PTPN6: variants seen among roughly 807,000 people sequenced by gnomAD.
The protein encoded by PTPN6 is protein tyrosine phosphatase non-receptor type 6, also known as tyrosine-protein phosphatase non-receptor type 6.
In PTPN6, 18 loss-of-function variants were observed where a neutral mutation model predicts 81.5. The observed-to-expected ratio is 0.22, with a 90% CI of 0.15 to 0.33. PTPN6 has a LOEUF of 0.33. Ranked by LOEUF, PTPN6 falls within the 10% of genes least tolerant of loss-of-function variation. The pLI is 1.00. For missense variants in PTPN6, 500 were observed against 794.2 expected, an observed-to-expected ratio of 0.63 and a Z score of 4.45; for synonymous variants, 301 against 310.9, an observed-to-expected ratio of 0.97 and a Z score of 0.33.
At position 6,954,056 on chromosome 12, in the gene PTPN6, G is replaced by T. The variant is rs1357238819; in HGVS notation, c.327-749G>T. On this transcript the variant is annotated intron_variant, in intron 3 of 15. Transcript: ENST00000318974. The surrounding 1 kb of genome is among the most constrained non-coding windows in gnomAD (Gnocchi z 5.4). The stretch of plus-strand genomic sequence containing the variant: ...GGGCTACAGTTTCCTCCTGGGAAAG[G>T]GGTGTGCTTCGGGGAAAGGGCTTAG... 1.3e-5 allele frequency among the ~76,000 whole-genome samples: 2 copies of T among 152,192 alleles called. No homozygotes were observed. Among genetic ancestry groups the T allele is most frequent in the Non-Finnish European group, 2.9e-5 (2 of 68,026 alleles).
In PTPN6 at chr12:6,951,568, C is replaced by A. The variant is rs1555147728; in HGVS notation, c.9-41C>A. On this transcript the variant is annotated intron_variant, in intron 1 of 15. Coordinates refer to ENST00000318974, the MANE Select transcript of PTPN6 (RefSeq NM_002831.6). This position sits in a 1 kb window ranked among gnomAD's most constrained non-coding sequence, Gnocchi z 7.2. The stretch of plus-strand genomic sequence containing the variant: ...AGACAGGAGGCAAGGGTGCCTGGTG[C>A]CCACGGGACCCCTCCTCACTGCCCT... 2.5e-6 allele frequency: 4 copies of A among 1,614,004 alleles called. No individual in the cohort carries two copies. The Admixed American group carries it at 6.7e-5, about 27-fold the overall frequency.
In PTPN6 at chr12:6,957,451, C is replaced by T. The variant is rs1331960120; in HGVS notation, c.1075-203C>T. ...TTTGTTGAATGACAAACGGATGTAC[C>T]GGTGAAGTGGCTGGCCAGGCCTCAC... On this transcript the variant is annotated intron_variant, in intron 9 of 15. Transcript: ENST00000318974. The surrounding 1 kb of genome is among the most constrained non-coding windows in gnomAD (Gnocchi z 6.5). Among the ~76,000 whole-genome samples, 1 of 152,208 alleles carries T rather than the reference C, an allele frequency of 6.6e-6. No individual in the cohort carries two copies. Among genetic ancestry groups the T allele is most frequent in the East Asian group, 1.9e-4 (1 of 5,186 alleles).
chr12:6,958,430 C>T (rs1243734765), intron 11 of PTPN6, among the ~76,000 whole-genome samples: 4 of 152,250 alleles, frequency 2.6e-5, no homozygotes, highest in East Asian at 1.9e-4. Context: ...CCGGCTGCTC[C>T]GCTTTCTCTC....
rs1378488869 is a variant in PTPN6, at chr12:6,957,044, G to T, written c.1074+476G>T. On this transcript the variant is annotated intron_variant, in intron 9 of 15. Coordinates refer to ENST00000318974, the MANE Select transcript of PTPN6 (RefSeq NM_002831.6). The surrounding 1 kb of genome is among the most constrained non-coding windows in gnomAD (Gnocchi z 6.5). ...TCTAAGGCCTGGCATTCAAGGTCTG[G>T]TGGCTTCCCTCTGACCCGCACGCTT... 6.6e-6 allele frequency among the ~76,000 whole-genome samples: 1 copy of T among 152,198 alleles called. No individual in the cohort carries two copies. Among genetic ancestry groups the T allele is most frequent in the Non-Finnish European group, 1.5e-5 (1 of 68,036 alleles).
chr12:6,949,580 C>T (rs781846087), upstream of PTPN6, among the ~76,000 whole-genome samples: 5 of 152,150 alleles, frequency 3.3e-5, no homozygotes, highest in Non-Finnish European at 7.3e-5. Flanking sequence ...ATAACACCTA[C>T]TAAGTAGGGT....
Position 6,952,429 on chromosome 12 carries a change from C to T in PTPN6, c.326+252C>T, listed in dbSNP as rs890052540. On this transcript the variant is annotated intron_variant, in intron 3 of 15. Coordinates refer to ENST00000318974, the MANE Select transcript of PTPN6 (RefSeq NM_002831.6). The surrounding 1 kb of genome is among the most constrained non-coding windows in gnomAD (Gnocchi z 8.1). ...AGCTGCCTCGCCCTACTCCGGGAGC[C>T]CTGGCCGCTGCAACCCAGGTCCCAC... 13 of 566,986 alleles carry T rather than the reference C, an allele frequency of 2.3e-5. No homozygotes were observed. The highest frequency in any genetic ancestry group is 3.2e-5 in the Non-Finnish European group (10 of 317,038). 35.1% of individuals were successfully genotyped at this position (566,986 alleles called of 1,614,324 possible).
At position 6,954,754 on chromosome 12, in the gene PTPN6, C is replaced by A. The variant is rs782712071; in HGVS notation, c.327-51C>A. 1.3e-6 allele frequency: 2 copies of A among 1,568,234 alleles called. No individual in the cohort carries two copies. Among genetic ancestry groups the A allele is most frequent in the Admixed American group, 1.7e-5 (1 of 58,474 alleles). On this transcript the variant is annotated intron_variant, in intron 3 of 15. Coordinates refer to ENST00000318974, the MANE Select transcript of PTPN6 (RefSeq NM_002831.6). The surrounding 1 kb of genome is among the most constrained non-coding windows in gnomAD (Gnocchi z 5.4). ...CCTCTCTGTGAATGTCTCTGCTCAGCGCCTTCCCCTGTGGCCTGGGTCTTA... is the reference window on the plus strand; with the variant it reads ...CCTCTCTGTGAATGTCTCTGCTCAGAGCCTTCCCCTGTGGCCTGGGTCTTA...
At chr12:6,946,890 G>T, upstream of PTPN6, 1 of 871,354 alleles carries the variant, frequency 1.1e-6, no homozygotes, top group Non-Finnish European at 1.9e-6. Flanking sequence ...TCCCCTTCCC[G>T]CAAGGTGTGA....
At position 6,960,324 on chromosome 12, in the gene PTPN6, C is replaced by T; in HGVS notation, c.1582-20C>T. The stretch of plus-strand genomic sequence containing the variant: ...GGCCCTGCTGGGACCACCACCTTCC[C>T]ACTGTCCCTCTGCCCACAGTCGCAG... On this transcript the variant is annotated intron_variant, in intron 13 of 15. Transcript: ENST00000318974. The surrounding 1 kb of genome is among the most constrained non-coding windows in gnomAD (Gnocchi z 6.1). 6.2e-7 allele frequency: 1 copy of T among 1,612,402 alleles called. No individual in the cohort carries two copies. The highest frequency in any genetic ancestry group is 8.5e-7 in the Non-Finnish European group (1 of 1,179,640).
chr12:6,950,406 C>G (rs1421589083), upstream of PTPN6, among the ~76,000 whole-genome samples: 1 of 152,030 alleles, frequency 6.6e-6, no homozygotes, highest in Non-Finnish European at 1.5e-5. Context: ...GCATCATATA[C>G]CTTAGTGTTT....
rs1189997374 is a variant in PTPN6 at position 6,960,709 on chromosome 12, C to CGGGGTGGCCAGAG, written c.1674-93_1674-81dup. The CGGGGTGGCCAGAG allele has an allele frequency of 2.6e-6, 4 of 1,551,382 alleles. No individual in the cohort carries two copies. The highest frequency in any genetic ancestry group is 2.0e-5 in the Admixed American group (1 of 50,984). ...GACCGTGGCTGCGTCACCTGTGAGA[C>CGGGGTGGCCAGAG]GGGGTGGCCAGAGGGGACTGCCAGT... On this transcript the variant is annotated intron_variant, in intron 14 of 15. Coordinates refer to ENST00000318974, the MANE Select transcript of PTPN6 (RefSeq NM_002831.6). This position sits in a 1 kb window ranked among gnomAD's most constrained non-coding sequence, Gnocchi z 6.1.
rs1446115202 is a variant in PTPN6 at position 6,952,298 on chromosome 12, G to T, written c.326+121G>T. On this transcript the variant is annotated intron_variant, in intron 3 of 15. Transcript: ENST00000318974. This position sits in a 1 kb window ranked among gnomAD's most constrained non-coding sequence, Gnocchi z 8.1. ...CTACCCTCCATCCCCTCCCCTCCCT[G>T]CACCAGCTGGGGCTCTCAATGTCCC... is the stretch of plus-strand genomic sequence containing the variant. 8.8e-5 allele frequency: 107 copies of T among 1,219,934 alleles called. No homozygotes were observed. The highest frequency in any genetic ancestry group is 1.1e-4 in the Non-Finnish European group (96 of 844,498). The allele number at this position is 1,219,934 out of a possible 1,614,324, so 75.6% of individuals were successfully genotyped here. A position where few individuals can be genotyped will look rare whatever the true frequency, so the allele number is the denominator to read the frequency against.
chr12:6,953,023 T>TA (rs1386667040), intron 3 of PTPN6: 1 of 152,226 alleles, frequency 6.6e-6, no homozygotes, highest in African/African-American at 2.4e-5. Flanking sequence ...ATGGATCGGT[T>TA]ATTGAAATGA....
chr12:6,955,452 T>C lies in PTPN6; in HGVS notation c.714T>C (p.Asp238=), dbSNP rs1415814883. 6.2e-7 allele frequency: 1 copy of C among 1,614,038 alleles called. No homozygotes were observed. Among genetic ancestry groups the C allele is most frequent in the Admixed American group, 1.7e-5 (1 of 60,030 alleles). ...TGAACAAGAAGCAGGAGTCCGAGGA[T>C]ACAGCCAAGGCTGGCTTCTGGGAGG... is the stretch of plus-strand genomic sequence containing the variant. The part of the protein sequence containing the change: ...LELNKKQESE[D]TAKAGFWEEF... The change falls in exon 6 of 16, where the codon GAT becomes GAC. Residue 238 remains aspartate (D), a synonymous_variant. Coordinates refer to ENST00000318974, the MANE Select transcript of PTPN6 (RefSeq NM_002831.6). The surrounding 1 kb of genome is among the most constrained non-coding windows in gnomAD (Gnocchi z 7.2).
At chr12:6,947,602 A>G (rs890869416), upstream of PTPN6, among the ~76,000 whole-genome samples, 8 of 151,736 alleles carry the variant, frequency 5.3e-5, no homozygotes, top group Non-Finnish European at 7.4e-5. Flanking sequence ...CTGGGAGGTC[A>G]AGGCTGCAGT....
rs868980607 is a variant in PTPN6, at chr12:6,955,834, C to A, written c.844+78C>A. 14 of 1,353,960 alleles carry A rather than the reference C, an allele frequency of 1.0e-5. No homozygotes were observed. The highest frequency in any genetic ancestry group is 1.4e-5 in the African/African-American group (1 of 69,598). The allele number at this position is 1,353,960 out of a possible 1,614,324, so 83.9% of individuals were successfully genotyped here. On this transcript the variant is annotated intron_variant, in intron 7 of 15. Transcript: ENST00000318974. This position sits in a 1 kb window ranked among gnomAD's most constrained non-coding sequence, Gnocchi z 7.2. ...CCTCCCCTCATCTCACAGGTCTCCA[C>A]CCTCCACGCCAGGAGGGGCCATCTC...
In PTPN6 at chr12:6,952,172, T is replaced by C; in HGVS notation, c.321T>C (p.Ser107=). 6.2e-7 allele frequency: 1 copy of C among 1,613,520 alleles called. No individual in the cohort carries two copies. Among genetic ancestry groups the C allele is most frequent in the South Asian group, 1.1e-5 (1 of 91,054 alleles). The change falls in exon 3 of 16, where the codon AGT becomes AGC. Residue 107 remains serine (S), a synonymous_variant. Coordinates refer to ENST00000318974, the MANE Select transcript of PTPN6 (RefSeq NM_002831.6). This position sits in a 1 kb window ranked among gnomAD's most constrained non-coding sequence, Gnocchi z 8.1. ...CGCTGAACTGCTCCGATCCCACTAGTGAGAGGTGAGGGCTCCGCACCCCCG... is the reference window on the plus strand; with the variant it reads ...CGCTGAACTGCTCCGATCCCACTAGCGAGAGGTGAGGGCTCCGCACCCCCG... ...KYPLNCSDPT[S]ERWYHGHMSG...
At position 6,952,191 on chromosome 12, in the gene PTPN6, A is replaced by AC; in HGVS notation, c.326+19dup. 1.3e-6 allele frequency: 2 copies of AC among 1,561,152 alleles called. No individual in the cohort carries two copies. Among genetic ancestry groups the AC allele is most frequent in the Non-Finnish European group, 8.7e-7 (1 of 1,155,110 alleles). On this transcript the variant is annotated intron_variant, in intron 3 of 15. Coordinates refer to ENST00000318974, the MANE Select transcript of PTPN6 (RefSeq NM_002831.6). This position sits in a 1 kb window ranked among gnomAD's most constrained non-coding sequence, Gnocchi z 8.1. ...CACTAGTGAGAGGTGAGGGCTCCGC[A>AC]CCCCCGCCATTCCCAAGCAGGGATG...
intron 3 of PTPN6, chr12:6,953,275 AC>A (rs1555148043): frequency 6.6e-6 from 1 of 151,458 alleles, no homozygotes; most frequent in African/African-American, 2.4e-5. Flanking sequence ...CCCCACCGCA[AC>A]ACTCAGGGGG....
Sources: gnomAD v4.1 joint callset for allele counts (sites outside exome capture counted in the v4.1 genomes callset) on GRCh38, gnomAD v4.1.1 for gene constraint, Gnocchi (gnomAD v3.1) non-coding constraint, MANE v1.5 for transcripts, NCBI Gene and HGNC (gene_info 2026-07-23, HGNC 2026-07-21) for gene names.